The following ITGBL1 variants were observed in gnomAD, a reference collection of about 807,000 sequenced individuals.
ITGBL1 encodes integrin beta-like protein 1.
A neutral mutation model predicts 68.5 loss-of-function variants in ITGBL1; 51 were observed. That is an observed-to-expected ratio of 0.74 (90% confidence interval 0.59 to 0.94). The LOEUF is 0.94. Among genes scored for constraint, ITGBL1 ranks in the 40% least tolerant of loss-of-function variants. The pLI is 0.00. For missense variants in ITGBL1, 649 were observed against 647.4 expected, an observed-to-expected ratio of 1.00 and a Z score of -0.03; for synonymous variants, 209 against 227.3, an observed-to-expected ratio of 0.92 and a Z score of 0.72.
chr13:101,595,236 C>T (rs2029891287), intron 6 of ITGBL1, among the ~76,000 whole-genome samples: 2 of 152,128 alleles, frequency 1.3e-5, no homozygotes, highest in African/African-American at 4.8e-5. Context: ...TAGTGCATCA[C>T]ATGGCGAGAG....
At chr13:101,642,389 C>T (rs933077672) in intron 7 of ITGBL1, among the ~76,000 whole-genome samples, 48 of 152,268 alleles carry the variant, frequency 3.2e-4, no homozygotes, top group African/African-American at 9.9e-4. Flanking sequence ...TCATGTCCTT[C>T]GCCCACTTGT....
At chr13:101,598,605 T>G (rs1222023122) in intron 7 of ITGBL1, among the ~76,000 whole-genome samples, 1 of 151,988 alleles carries the variant, frequency 6.6e-6, no homozygotes, top group Non-Finnish European at 1.5e-5. Flanking sequence ...CACACAACAG[T>G]CCCCAGTGTG....
At chr13:101,508,815 A>G (rs1225244011) in intron 2 of ITGBL1, among the ~76,000 whole-genome samples, 1 of 152,118 alleles carries the variant, frequency 6.6e-6, no homozygotes, top group African/African-American at 2.4e-5. Context: ...GATGTTTTCA[A>G]TATTTCAACT....
chr13:101,547,767 G>T (rs9300680), intron 2 of ITGBL1, among the ~76,000 whole-genome samples: 122,503 of 151,650 alleles, frequency 0.81, 49,712 homozygotes, highest in African/African-American at 0.9. Context: ...GCATTTACCC[G>T]GATATGACTA....
intron 8 of ITGBL1, among the ~76,000 whole-genome samples, chr13:101,695,567 G>A (rs1440529817): frequency 1.3e-5 from 2 of 152,216 alleles, no homozygotes; most frequent in Non-Finnish European, 2.9e-5. Flanking sequence ...CAAGGACTAT[G>A]TGTGTTTGTG....
intron 2 of ITGBL1, among the ~76,000 whole-genome samples, chr13:101,469,084 C>T (rs1483278010): frequency 2.6e-5 from 4 of 152,162 alleles, no homozygotes; most frequent in Non-Finnish European, 1.5e-5. Flanking sequence ...CAGAGATTCT[C>T]TTTTGTTCTT....
intron 7 of ITGBL1, among the ~76,000 whole-genome samples, chr13:101,667,199 T>C (rs904793697): frequency 2.6e-5 from 4 of 152,190 alleles, no homozygotes; most frequent in Non-Finnish European, 4.4e-5. Context: ...ATGGCCATTA[T>C]GGAGATTGTT....
chr13:101,672,510 G>A (rs928382603), intron 7 of ITGBL1, among the ~76,000 whole-genome samples: 39 of 152,146 alleles, frequency 2.6e-4, no homozygotes, highest in African/African-American at 9.4e-4. Flanking sequence ...GTACAGTAAG[G>A]AGCAGACAAG....
intron 2 of ITGBL1, among the ~76,000 whole-genome samples, chr13:101,502,895 A>G (rs561562690): frequency 1.3e-5 from 2 of 152,266 alleles, no homozygotes; most frequent in South Asian, 4.2e-4. Context: ...ATGAGGCAAG[A>G]TGTATTGGAT....
At chr13:101,527,139 G>A (rs981459193) in intron 2 of ITGBL1, among the ~76,000 whole-genome samples, 15 of 151,898 alleles carry the variant, frequency 9.9e-5, no homozygotes, top group African/African-American at 3.6e-4. Flanking sequence ...CCCATTTAAA[G>A]TATACACTTT....
chr13:101,701,864 T>C (rs2034144337), intron 8 of ITGBL1, among the ~76,000 whole-genome samples: 1 of 152,184 alleles, frequency 6.6e-6, no homozygotes, highest in Non-Finnish European at 1.5e-5. Flanking sequence ...TACTGTTTTA[T>C]GGGTGCTTAG....
chr13:101,587,583 A>G (rs545119621), intron 6 of ITGBL1, among the ~76,000 whole-genome samples: 4 of 152,306 alleles, frequency 2.6e-5, no homozygotes, highest in African/African-American at 4.8e-5. Context: ...CCCAAATCCC[A>G]TAATTGGAAA....
At chr13:101,586,500 T>C (rs972001899) in intron 6 of ITGBL1, among the ~76,000 whole-genome samples, 3 of 152,194 alleles carry the variant, frequency 2.0e-5, no homozygotes, top group Non-Finnish European at 4.4e-5. Flanking sequence ...CCTCATTCCA[T>C]TTTATGTACA....
chr13:101,571,031 G>GTACACA lies in ITGBL1; in HGVS notation c.463+3197_463+3202dup, dbSNP rs538336617. 8.5e-5 allele frequency among the ~76,000 whole-genome samples: 13 copies of GTACACA among 152,166 alleles called. No homozygotes were observed. The South Asian group carries it at 2.5e-3, about 29-fold the overall frequency. On this transcript the variant is annotated intron_variant, in intron 3 of 10. Coordinates refer to ENST00000376180, the MANE Select transcript of ITGBL1 (RefSeq NM_004791.3). ...CACATACTTGCACACAGATATGCAT[G>GTACACA]TACACATACACATACATGCATATTT...
chr13:101,596,075 A>G (rs1334512104), intron 6 of ITGBL1, among the ~76,000 whole-genome samples: 2 of 152,148 alleles, frequency 1.3e-5, no homozygotes, highest in Non-Finnish European at 2.9e-5. Flanking sequence ...ATATCTATAT[A>G]TACACAAATA....
intron 5 of ITGBL1, among the ~76,000 whole-genome samples, chr13:101,582,791 CCT>C (rs1312914295): frequency 6.6e-6 from 1 of 152,138 alleles, no homozygotes; most frequent in Admixed American, 6.5e-5. Flanking sequence ...ACTCATTGAT[CCT>C]CTTTCTCCAA....
At chr13:101,597,292 A>G (rs926894455) in intron 6 of ITGBL1, among the ~76,000 whole-genome samples, 1 of 152,030 alleles carries the variant, frequency 6.6e-6, no homozygotes, top group African/African-American at 2.4e-5. Flanking sequence ...AGCGTGCTCT[A>G]TAAATGTTAA....
intron 2 of ITGBL1, among the ~76,000 whole-genome samples, chr13:101,471,942 A>G (rs891414443): frequency 3.3e-5 from 5 of 152,228 alleles, no homozygotes; most frequent in Admixed American, 6.5e-5. Flanking sequence ...TGACATGATC[A>G]TAAACATCTG....
At chr13:101,518,282 A>T (rs147485659) in intron 2 of ITGBL1, among the ~76,000 whole-genome samples, 13 of 152,312 alleles carry the variant, frequency 8.5e-5, no homozygotes, top group African/African-American at 3.1e-4. Flanking sequence ...CAATAATTTG[A>T]TTAAAAATAA....
Sources: allele counts gnomAD v4.1 joint callset (sites outside exome capture counted in the v4.1 genomes callset), GRCh38; gene constraint gnomAD v4.1.1; transcripts MANE v1.5; gene names NCBI Gene and HGNC (gene_info 2026-07-23, HGNC 2026-07-21).